The following IDO2 variants were observed in gnomAD, a reference collection of about 807,000 sequenced individuals.
IDO2 encodes the protein indoleamine 2,3-dioxygenase-like 1 protein.
In IDO2, 46 loss-of-function variants were observed where a neutral mutation model predicts 45.1. The ratio of observed to expected loss-of-function variants is 1.02; its 90% CI spans 0.80 to 1.30. The LOEUF (loss-of-function observed/expected upper bound fraction) is 1.30. Among genes scored for constraint, IDO2 ranks in the 50% most tolerant of loss-of-function variants. IDO2 has a pLI of 0.00. For synonymous variants in IDO2, 218 were observed against 184.9 expected, an observed-to-expected ratio of 1.18 and a Z score of -1.45; for missense variants, 544 against 491.8, an observed-to-expected ratio of 1.11 and a Z score of -1.00.
exon 8 of IDO2, chr8:39,989,740 A>G (rs201223172): frequency 5.1e-4 from 815 of 1,596,358 alleles, no homozygotes; most frequent in Non-Finnish European, 6.6e-4. Flanking sequence ...CAGGCCACGA[A>G]TGCTATCTTG....
At chr8:39,952,001 G>A (rs1466383449) in intron 2 of IDO2, among the ~76,000 whole-genome samples, 5 of 152,152 alleles carry the variant, frequency 3.3e-5, no homozygotes, top group Non-Finnish European at 7.3e-5. Flanking sequence ...AAAGTCCCTT[G>A]GGAAAGTGGT....
intron 2 of IDO2, among the ~76,000 whole-genome samples, chr8:39,954,470 G>A (rs78995381): frequency 0.012 from 1,899 of 152,116 alleles, 45 homozygotes; most frequent in African/African-American, 0.043. Flanking sequence ...ACAAACAGGA[G>A]GGCTTAAATC....
chr8:39,962,043 T>C (rs1563428350), intron 2 of IDO2, among the ~76,000 whole-genome samples: 2 of 152,196 alleles, frequency 1.3e-5, no homozygotes, highest in Non-Finnish European at 2.9e-5. Flanking sequence ...AAAGCAACCA[T>C]AGATAGCATG....
intron 8 of IDO2, 112 bp downstream of exon 8, chr8:39,989,950 C>T: frequency 1.6e-6 from 1 of 623,176 alleles, no homozygotes; most frequent in Non-Finnish European, 2.8e-6. Flanking sequence ...TACATTCATC[C>T]ACCAGATGAC....
At chr8:39,971,959 C>A (rs1792217671) in intron 3 of IDO2, among the ~76,000 whole-genome samples, 1 of 152,094 alleles carries the variant, frequency 6.6e-6, no homozygotes, top group Non-Finnish European at 1.5e-5. Flanking sequence ...TAGGTGCCTG[C>A]CACCATGCCC....
chr8:39,979,145 A>C, exon 4 of IDO2: 6 of 1,602,104 alleles, frequency 3.7e-6, no homozygotes, highest in Non-Finnish European at 4.3e-6. Flanking sequence ...CTTCCTCACC[A>C]TGGGTTATGT....
intron 1 of IDO2, among the ~76,000 whole-genome samples, chr8:39,936,302 G>A (rs1807549422): frequency 6.6e-6 from 1 of 152,166 alleles, no homozygotes; most frequent in South Asian, 2.1e-4. Flanking sequence ...CTATCCAAAA[G>A]AGATTTAATT....
rs974496910 is a variant in IDO2, at chr8:40,000,313, G to A, written c.668-5014G>A. ...TAGTCCTAGTTACTCAGGAAGCTGAGGCAGGAGAATCGCTTGAACCCAGGA... is the reference window on the plus strand; with the variant it reads ...TAGTCCTAGTTACTCAGGAAGCTGAAGCAGGAGAATCGCTTGAACCCAGGA... On this transcript the variant is annotated intron_variant, in intron 8 of 10. Coordinates refer to ENST00000502986, the Ensembl canonical transcript of IDO2. 3.3e-5 allele frequency among the ~76,000 whole-genome samples: 5 copies of A among 152,138 alleles called. No homozygotes were observed. In the South Asian group the frequency reaches 8.3e-4, roughly 25 times the overall value.
intron 10 of IDO2, among the ~76,000 whole-genome samples, chr8:40,014,341 G>A (rs1802354647): frequency 6.6e-6 from 1 of 152,120 alleles, no homozygotes; most frequent in Non-Finnish European, 1.5e-5. Context: ...TTTGGCATTT[G>A]GTGACATTAA....
At chr8:39,939,228 G>C (rs1398208623) in intron 1 of IDO2, among the ~76,000 whole-genome samples, 2 of 128,274 alleles carry the variant, frequency 1.6e-5, no homozygotes, top group Non-Finnish European at 3.2e-5. Context: ...GGGCGACAGA[G>C]CAAGACTCCA....
intron 8 of IDO2, among the ~76,000 whole-genome samples, chr8:39,996,101 C>G (rs1273643741): frequency 5.4e-5 from 8 of 148,406 alleles, no homozygotes; most frequent in Admixed American, 1.3e-4. Flanking sequence ...AAAGAAAAGG[C>G]GCTCGTTACT....
intron 2 of IDO2, among the ~76,000 whole-genome samples, chr8:39,956,344 G>C (rs1807890855): frequency 6.6e-6 from 1 of 152,172 alleles, no homozygotes. Context: ...TTACAGGCAT[G>C]AGCCACCACA....
At chr8:40,010,161 T>C (rs1257046343) in intron 9 of IDO2, among the ~76,000 whole-genome samples, 4 of 152,158 alleles carry the variant, frequency 2.6e-5, no homozygotes, top group African/African-American at 9.7e-5. Context: ...GACTGTCGAA[T>C]GTAGTGGCCA....
At chr8:40,008,050 T>A (rs1213808792) in intron 9 of IDO2, among the ~76,000 whole-genome samples, 1 of 149,952 alleles carries the variant, frequency 6.7e-6, no homozygotes, top group Non-Finnish European at 1.5e-5. Context: ...TGGCACTTTT[T>A]TTTTTTTTTT....
chr8:39,984,827 T>C (rs1808399669), intron 5 of IDO2: 6 of 372,108 alleles, frequency 1.6e-5, no homozygotes, highest in Admixed American at 1.1e-4. Context: ...AGGCAGAACT[T>C]GATGTAAGGC....
chr8:39,981,119 T>C (rs1216503288), intron 4 of IDO2, among the ~76,000 whole-genome samples: 3 of 150,544 alleles, frequency 2.0e-5, no homozygotes, highest in African/African-American at 7.3e-5. Context: ...TGGAGTGCAG[T>C]GGCACGATCT....
chr8:40,011,770 T>C (rs1400563656), intron 9 of IDO2, among the ~76,000 whole-genome samples: 1 of 152,232 alleles, frequency 6.6e-6, no homozygotes, highest in African/African-American at 2.4e-5. Flanking sequence ...ATGAGAAAGC[T>C]GAGGCTCAGA....
At chr8:39,982,167 A>G (rs1474199516) in intron 4 of IDO2, among the ~76,000 whole-genome samples, 3 of 151,732 alleles carry the variant, frequency 2.0e-5, no homozygotes, top group Admixed American at 2.0e-4. Flanking sequence ...TCTATCATCT[A>G]TCTATCTAGC....
chr8:40,008,567 A>G (rs1173684251), intron 9 of IDO2, among the ~76,000 whole-genome samples: 2 of 152,224 alleles, frequency 1.3e-5, no homozygotes, highest in Non-Finnish European at 1.5e-5. Flanking sequence ...CAGACATGCT[A>G]TAGCATAATA....
Sources: gnomAD v4.1 joint callset for allele counts (sites outside exome capture counted in the v4.1 genomes callset) on GRCh38, gnomAD v4.1.1 for gene constraint, MANE v1.5 for transcripts, NCBI Gene and HGNC (gene_info 2026-07-23, HGNC 2026-07-21) for gene names.